The following NFASC variants were observed in gnomAD, a reference collection of about 807,000 sequenced individuals.
The protein encoded by NFASC is neurofascin.
NFASC carries 43 observed loss-of-function variants against 147.5 expected under a neutral mutation model. The observed-to-expected ratio is 0.29, with a 90% CI of 0.23 to 0.38. NFASC has a LOEUF of 0.38. NFASC is among the 10% of genes least tolerant of loss of function. The pLI is 1.00. For missense variants in NFASC, 1,320 were observed against 1,689.0 expected (o/e 0.78, Z 3.83); for synonymous variants, 622 against 665.5 (o/e 0.93, Z 1.01).
At chr1:205,005,442 T>C (rs1574426432) in intron 27 of NFASC, among the ~76,000 whole-genome samples, 1 of 152,222 alleles carries the variant, frequency 6.6e-6, no homozygotes, top group South Asian at 2.1e-4. Flanking sequence ...TCTAGTCCAG[T>C]GTAAGAGGCG....
chr1:204,936,136 C>T (rs984701578), intron 2 of NFASC, among the ~76,000 whole-genome samples: 11 of 152,078 alleles, frequency 7.2e-5, no homozygotes, highest in Admixed American at 5.9e-4. Context: ...TCGGAAAACC[C>T]ACCAGCTCCT....
chr1:204,972,603 T>C (rs1449920601), intron 11 of NFASC, among the ~76,000 whole-genome samples: 1 of 152,178 alleles, frequency 6.6e-6, no homozygotes, highest in Non-Finnish European at 1.5e-5. Context: ...TTAGGACACA[T>C]TTTTGGGGAA....
intron 1 of NFASC, among the ~76,000 whole-genome samples, chr1:204,873,254 G>A (rs1282969439): frequency 1.3e-5 from 2 of 152,188 alleles, no homozygotes; most frequent in Non-Finnish European, 2.9e-5. Flanking sequence ...TCTCTCTTGG[G>A]ATTTTGGCAG....
chr1:205,005,389 G>A (rs57118122), intron 27 of NFASC, among the ~76,000 whole-genome samples: 8,493 of 152,216 alleles, frequency 0.056, 682 homozygotes, highest in African/African-American at 0.18. Context: ...GCTTCTGAGT[G>A]GGTGTTGCCG....
intron 1 of NFASC, among the ~76,000 whole-genome samples, chr1:204,914,709 T>C (rs973828781): frequency 2.6e-5 from 4 of 152,162 alleles, no homozygotes; most frequent in African/African-American, 9.7e-5. Flanking sequence ...GGAGAAGGAA[T>C]GGGAAACAGG....
At chr1:204,853,611 A>G (rs772351102) in intron 1 of NFASC, among the ~76,000 whole-genome samples, 2 of 152,180 alleles carry the variant, frequency 1.3e-5, no homozygotes, top group Non-Finnish European at 2.9e-5. Context: ...TTTGTTGGGT[A>G]TATGTGCATG....
chr1:204,952,801 G>A (rs2094204139), intron 5 of NFASC, among the ~76,000 whole-genome samples: 1 of 152,202 alleles, frequency 6.6e-6, no homozygotes. Flanking sequence ...GAGCCTTTCA[G>A]GAGCCTCATG....
At position 204,952,217 on chromosome 1, in the gene NFASC, T is replaced by C. The variant is rs551826738; in HGVS notation, c.215+101T>C. 4.1e-5 allele frequency: 37 copies of C among 912,700 alleles called. No individual in the cohort carries two copies. In the South Asian group the frequency reaches 5.1e-4, roughly 13 times the overall value. The allele number at this position is 912,700 out of a possible 1,614,324, so 56.5% of individuals were successfully genotyped here. A position where few individuals can be genotyped will look rare whatever the true frequency, so the allele number is the denominator to read the frequency against. Reference sequence around the variant, plus strand: ...GCAGCAGGAAAATTGGACTCATCCATTCCAAAAAATTTCCATTAGGCACCT... The same window carrying C: ...GCAGCAGGAAAATTGGACTCATCCACTCCAAAAAATTTCCATTAGGCACCT... On this transcript the variant is annotated intron_variant, in intron 5 of 29. Coordinates refer to ENST00000339876, the MANE Select transcript of NFASC (RefSeq NM_001005388.3).
intron 27 of NFASC, among the ~76,000 whole-genome samples, chr1:205,002,976 G>C (rs1003081992): frequency 5.3e-5 from 8 of 152,196 alleles, no homozygotes; most frequent in African/African-American, 1.9e-4. Context: ...TTGTGGCCCC[G>C]TGCGGGTCAG....
chr1:204,841,109 AG>A (rs1260183981), intron 1 of NFASC, among the ~76,000 whole-genome samples: 1 of 152,246 alleles, frequency 6.6e-6, no homozygotes. Flanking sequence ...CTGCATCTAC[AG>A]AATAACAAGA....
Position 204,987,122 on chromosome 1 carries a change from AGCCTAACAT to A in NFASC, c.2471-294_2471-286del. Reference sequence around the variant, plus strand: ...TTTCGAGGTATCTTTGCAGAATCAGAGCCTAACATGTGCTGAATCCAGAGTAGTTGCTAG... The same window carrying A: ...TTTCGAGGTATCTTTGCAGAATCAGAGTGCTGAATCCAGAGTAGTTGCTAG... On this transcript the variant is annotated intron_variant, in intron 21 of 29. Transcript: ENST00000339876. This position sits in a 1 kb window ranked among gnomAD's most constrained non-coding sequence, Gnocchi z 4.4. 3 of 437,406 alleles carry A rather than the reference AGCCTAACAT, an allele frequency of 6.9e-6. No homozygotes were observed. The highest frequency in any genetic ancestry group is 1.2e-5 in the Non-Finnish European group (3 of 242,540). The allele number at this position is 437,406 out of a possible 1,614,324, so 27.1% of individuals were successfully genotyped here.
chr1:205,008,498 TCA>T (rs936703214), intron 27 of NFASC: 1 of 152,608 alleles, frequency 6.6e-6, no homozygotes. Context: ...TTCCCTTCTG[TCA>T]CAGTCTCACG....
intron 1 of NFASC, among the ~76,000 whole-genome samples, chr1:204,884,628 C>T (rs111717686): frequency 3.2e-3 from 485 of 152,252 alleles, no homozygotes; most frequent in Non-Finnish European, 5.1e-3. Flanking sequence ...ACTTACTTAG[C>T]CTTTGTGAGC....
chr1:204,880,923 G>A (rs2080079827), intron 1 of NFASC, among the ~76,000 whole-genome samples: 1 of 152,208 alleles, frequency 6.6e-6, no homozygotes, highest in Middle Eastern at 3.2e-3. Flanking sequence ...ATGAGGACAC[G>A]TCTTTCAGGA....
intron 2 of NFASC, among the ~76,000 whole-genome samples, chr1:204,928,259 C>T (rs951399980): frequency 6.6e-6 from 1 of 152,166 alleles, no homozygotes; most frequent in Non-Finnish European, 1.5e-5. Context: ...GCATCTTTTC[C>T]ATTTCATGCA....
At chr1:204,860,290 A>G (rs2076547822) in intron 1 of NFASC, among the ~76,000 whole-genome samples, 1 of 152,182 alleles carries the variant, frequency 6.6e-6, no homozygotes, top group Non-Finnish European at 1.5e-5. Flanking sequence ...GCAGGGGATC[A>G]TTTTCCAACA....
chr1:204,847,211 G>A (rs1018143338), intron 1 of NFASC, among the ~76,000 whole-genome samples: 12 of 152,226 alleles, frequency 7.9e-5, no homozygotes, highest in Non-Finnish European at 2.9e-5. Context: ...AGCAACAGTA[G>A]TAATAATAAT....
At chr1:204,893,546 A>G (rs558803387) in intron 1 of NFASC, among the ~76,000 whole-genome samples, 2 of 152,352 alleles carry the variant, frequency 1.3e-5, no homozygotes, top group Admixed American at 6.5e-5. Flanking sequence ...GCCTAGTACC[A>G]GATCTAAAAT....
Position 204,975,452 on chromosome 1 carries a change from G to A in NFASC, c.1706+34G>A, listed in dbSNP as rs756697652. 1.9e-6 allele frequency: 3 copies of A among 1,589,852 alleles called. No homozygotes were observed. The East Asian group carries it at 6.8e-5, about 36-fold the overall frequency. On this transcript the variant is annotated intron_variant, in intron 15 of 29. Coordinates refer to ENST00000339876, the MANE Select transcript of NFASC (RefSeq NM_001005388.3). This position sits in a 1 kb window ranked among gnomAD's most constrained non-coding sequence, Gnocchi z 4.0. ...TCCCCCTTCCCCCTTCCTAGTGCTA[G>A]TTTGAGGCGCATTTTCTTTTCCCTT...
Sources: allele counts gnomAD v4.1 joint callset (sites outside exome capture counted in the v4.1 genomes callset), GRCh38; gene constraint gnomAD v4.1.1; non-coding constraint Gnocchi (gnomAD v3.1); transcripts MANE v1.5; gene names NCBI Gene and HGNC (gene_info 2026-07-23, HGNC 2026-07-21).